The following DLG2 variants were observed in gnomAD, a reference collection of about 807,000 sequenced individuals.
DLG2 encodes disks large homolog 2.
Under a neutral mutation model 132.5 loss-of-function variants are expected in DLG2, and 45 were observed. The observed-to-expected ratio is 0.34, with a 90% CI of 0.27 to 0.44. The LOEUF (loss-of-function observed/expected upper bound fraction) is 0.44. Among genes scored for constraint, DLG2 ranks in the 20% least tolerant of loss-of-function variants. The pLI is 1.00. For synonymous variants in DLG2, 424 were observed against 419.6 expected, an observed-to-expected ratio of 1.01 and a Z score of -0.13; for missense variants, 1,045 against 1,196.9, an observed-to-expected ratio of 0.87 and a Z score of 1.87.
intron 8 of DLG2, among the ~76,000 whole-genome samples, chr11:84,170,426 T>A (rs1436055996): frequency 6.6e-6 from 1 of 152,094 alleles, no homozygotes; most frequent in African/African-American, 2.4e-5. Flanking sequence ...AATAACTCAG[T>A]CTAACAGATA....
At chr11:85,535,753 T>C (rs982191109) in intron 3 of DLG2, among the ~76,000 whole-genome samples, 4 of 152,088 alleles carry the variant, frequency 2.6e-5, no homozygotes, top group East Asian at 3.8e-4. Flanking sequence ...AATCAACTCA[T>C]GAACAGATAA....
At chr11:85,230,903 C>T (rs1036826514) in intron 4 of DLG2, among the ~76,000 whole-genome samples, 4 of 151,866 alleles carry the variant, frequency 2.6e-5, no homozygotes, top group African/African-American at 9.7e-5. Context: ...TCTTCCACCA[C>T]GTGAGGATAC....
chr11:85,270,006 T>C (rs1371513770), intron 4 of DLG2, among the ~76,000 whole-genome samples: 1 of 152,204 alleles, frequency 6.6e-6, no homozygotes, highest in Non-Finnish European at 1.5e-5. Flanking sequence ...CAGATAAGTG[T>C]TAGCTATCAT....
chr11:83,864,200 C>T (rs879550520), intron 16 of DLG2, among the ~76,000 whole-genome samples: 5 of 152,186 alleles, frequency 3.3e-5, no homozygotes, highest in Admixed American at 6.5e-5. Context: ...ACTGAAATTC[C>T]ACCCGAACAG....
At chr11:85,396,320 G>A (rs1183462355) in intron 3 of DLG2, among the ~76,000 whole-genome samples, 1 of 152,138 alleles carries the variant, frequency 6.6e-6, no homozygotes, top group East Asian at 1.9e-4. Context: ...AACATGGGGA[G>A]AAACAAGAGC....
intron 8 of DLG2, among the ~76,000 whole-genome samples, chr11:84,204,478 T>C (rs2096639886): frequency 6.6e-6 from 1 of 151,892 alleles, no homozygotes. Flanking sequence ...TACAGGAAGA[T>C]AAAATACTAC....
At chr11:83,678,868 C>T (rs1592294927) in intron 18 of DLG2, among the ~76,000 whole-genome samples, 2 of 152,014 alleles carry the variant, frequency 1.3e-5, no homozygotes, top group South Asian at 2.1e-4. Context: ...TTTTATACTT[C>T]GGTAAAAATA....
chr11:84,718,734 T>C (rs528130139), intron 6 of DLG2, among the ~76,000 whole-genome samples: 18 of 152,150 alleles, frequency 1.2e-4, no homozygotes, highest in African/African-American at 4.3e-4. Context: ...GTTAGGAGAG[T>C]GAATAAAAGC....
intron 4 of DLG2, among the ~76,000 whole-genome samples, chr11:85,206,171 G>A (rs977707830): frequency 2.6e-5 from 4 of 152,050 alleles, no homozygotes; most frequent in Non-Finnish European, 5.9e-5. Context: ...GTGAAGTGCT[G>A]GCTCCCCCTT....
intron 6 of DLG2, among the ~76,000 whole-genome samples, chr11:84,714,898 TC>T (rs2061035771): frequency 6.6e-6 from 1 of 152,058 alleles, no homozygotes; most frequent in Admixed American, 6.6e-5. Context: ...ATCCCTTTCT[TC>T]TTCTGATTCC....
At chr11:84,138,238 G>T (rs1237751426) in intron 9 of DLG2, among the ~76,000 whole-genome samples, 1 of 152,152 alleles carries the variant, frequency 6.6e-6, no homozygotes, top group East Asian at 1.9e-4. Flanking sequence ...GATTAGGTAA[G>T]GTAATACAAT....
chr11:84,091,881 T>C (rs1408201296), intron 10 of DLG2, among the ~76,000 whole-genome samples: 1 of 152,152 alleles, frequency 6.6e-6, no homozygotes, highest in Non-Finnish European at 1.5e-5. Context: ...GTCTGATGTC[T>C]TCTATCTTGC....
intron 21 of DLG2, among the ~76,000 whole-genome samples, chr11:83,527,341 A>T (rs1367988): frequency 0.44 from 66,265 of 152,042 alleles, 14,631 homozygotes; most frequent in Middle Eastern, 0.55. Context: ...GTCAGACATG[A>T]ATTTTTCTTC....
intron 7 of DLG2, among the ~76,000 whole-genome samples, chr11:84,383,801 G>A (rs1037709447): frequency 1.2e-4 from 18 of 152,116 alleles, no homozygotes; most frequent in African/African-American, 4.1e-4. Context: ...GTGAGACAAT[G>A]AAGCAGAGAG....
At chr11:84,907,652 C>A (rs1381785175) in intron 6 of DLG2, among the ~76,000 whole-genome samples, 1 of 152,124 alleles carries the variant, frequency 6.6e-6, no homozygotes, top group Non-Finnish European at 1.5e-5. Flanking sequence ...TATACTAGTA[C>A]ATAATTTTGA....
chr11:84,861,610 C>A (rs1322631076), intron 6 of DLG2, among the ~76,000 whole-genome samples: 8 of 57,812 alleles, frequency 1.4e-4, no homozygotes, highest in Admixed American at 2.3e-4. Context: ...TAAAGAGCTT[C>A]TACACAGCAA....
intron 6 of DLG2, among the ~76,000 whole-genome samples, chr11:84,857,067 A>C (rs1338002117): frequency 6.6e-6 from 1 of 150,868 alleles, no homozygotes; most frequent in East Asian, 2.0e-4. Flanking sequence ...CCATTGGTAA[A>C]ATTACCAATG....
intron 6 of DLG2, among the ~76,000 whole-genome samples, chr11:84,584,279 T>TA (rs2099523688): frequency 6.6e-6 from 1 of 152,160 alleles, no homozygotes; most frequent in Non-Finnish European, 1.5e-5. Flanking sequence ...GGCATTTTGT[T>TA]ATACTATATA....
chr11:84,898,097 G>C (rs769027730), intron 6 of DLG2, among the ~76,000 whole-genome samples: 1 of 151,836 alleles, frequency 6.6e-6, no homozygotes, highest in African/African-American at 2.4e-5. Context: ...ACTTTGCAAA[G>C]ATATAACAAT....
Sources: gnomAD v4.1 joint callset for allele counts (sites outside exome capture counted in the v4.1 genomes callset) on GRCh38, gnomAD v4.1.1 for gene constraint, MANE v1.5 for transcripts, NCBI Gene and HGNC (gene_info 2026-07-23, HGNC 2026-07-21) for gene names.